The following VTI1A variants were observed in gnomAD, a reference collection of about 807,000 sequenced individuals.
VTI1A encodes the protein vesicle transport through interaction with t-SNAREs 1A, also known as vesicle transport through interaction with t-SNAREs homolog 1A.
Under a neutral mutation model 34.9 loss-of-function variants are expected in VTI1A, and 22 were observed. That is an observed-to-expected ratio of 0.63 (90% confidence interval 0.45 to 0.90). VTI1A has a LOEUF of 0.90. Ranked by LOEUF, VTI1A falls within the 40% of genes least tolerant of loss-of-function variation. The pLI, the probability that VTI1A is intolerant of heterozygous loss-of-function variation, is 0.00. For synonymous variants in VTI1A, 87 were observed against 97.3 expected (o/e 0.89, Z 0.62); for missense variants, 268 against 275.6 (o/e 0.97, Z 0.20).
intron 4 of VTI1A, among the ~76,000 whole-genome samples, chr10:112,534,813 G>T (rs1257709741): frequency 6.6e-6 from 1 of 152,120 alleles, no homozygotes; most frequent in African/African-American, 2.4e-5. Context: ...CTGCAAGATA[G>T]AGTATGTGCT....
Position 112,817,493 on chromosome 10 carries a change from A to G in VTI1A, c.*2110A>G, listed in dbSNP as rs571046161. ...AGCTCTTGCCTGTGATTTTACCCCA[A>G]TTCAACCTTGGGAGTGGGAAGAATA... On this transcript the variant is annotated 3_prime_UTR_variant, in exon 8 of 8. Transcript: ENST00000393077. 39 of 229,772 alleles carry G rather than the reference A, an allele frequency of 1.7e-4. No individual in the cohort carries two copies. The highest frequency in any genetic ancestry group is 8.2e-4 in the African/African-American group (37 of 45,262). The allele number at this position is 229,772 out of a possible 1,614,324, so 14.2% of individuals were successfully genotyped here. A position where few individuals can be genotyped will look rare whatever the true frequency, so the allele number is the denominator to read the frequency against.
At chr10:112,449,944 C>T (rs1847170401) in intron 1 of VTI1A, 2 of 152,010 alleles carry the variant, frequency 1.3e-5, no homozygotes, top group Non-Finnish European at 2.9e-5. Flanking sequence ...GTATCGCCCA[C>T]GTTGGAGTGT....
At chr10:112,448,761 C>T (rs1847093457) in intron 1 of VTI1A, 1 of 151,946 alleles carries the variant, frequency 6.6e-6, no homozygotes, top group African/African-American at 2.4e-5. Context: ...TAATTTCTCC[C>T]GGACCTAAGT....
intron 3 of VTI1A, among the ~76,000 whole-genome samples, chr10:112,486,469 G>A (rs960170028): frequency 6.6e-6 from 1 of 152,046 alleles, no homozygotes; most frequent in Non-Finnish European, 1.5e-5. Context: ...CCTTATTACA[G>A]TGCCCTTATG....
intron 7 of VTI1A, among the ~76,000 whole-genome samples, chr10:112,814,030 G>A (rs1340679022): frequency 6.6e-6 from 1 of 152,242 alleles, no homozygotes; most frequent in Non-Finnish European, 1.5e-5. Context: ...TTTAGGTTTG[G>A]AGAAGAAGGG....
intron 7 of VTI1A, among the ~76,000 whole-genome samples, chr10:112,759,066 T>C (rs1350499473): frequency 1.3e-5 from 2 of 152,144 alleles, no homozygotes; most frequent in African/African-American, 4.8e-5. Flanking sequence ...AGGCCTCCCC[T>C]GCCTCCCTAC....
intron 5 of VTI1A, among the ~76,000 whole-genome samples, chr10:112,655,093 C>G (rs1024520337): frequency 4.6e-5 from 7 of 152,216 alleles, no homozygotes; most frequent in African/African-American, 1.7e-4. Context: ...GCATCACCAG[C>G]AGCATCTGGA....
chr10:112,817,657 A>G lies in VTI1A; in HGVS notation c.*2274A>G, dbSNP rs1853563822. 1 of 229,046 alleles carries G rather than the reference A, an allele frequency of 4.4e-6. No homozygotes were observed. Among genetic ancestry groups the G allele is most frequent in the South Asian group, 1.8e-4 (1 of 5,488 alleles). The allele number at this position is 229,046 out of a possible 1,614,324, so 14.2% of individuals were successfully genotyped here. A position where few individuals can be genotyped will look rare whatever the true frequency, so the allele number is the denominator to read the frequency against. On this transcript the variant is annotated 3_prime_UTR_variant, in exon 8 of 8. Coordinates refer to ENST00000393077, the MANE Select transcript of VTI1A (RefSeq NM_145206.4). ...TTCCTGGTCCTCCTGGACACTGCAG[A>G]AAAGACTTAGGGGATCCCCAGCAGA...
intron 7 of VTI1A, among the ~76,000 whole-genome samples, chr10:112,716,297 G>T (rs1471069009): frequency 6.6e-6 from 1 of 152,156 alleles, no homozygotes; most frequent in East Asian, 1.9e-4. Flanking sequence ...ACATGTCTTG[G>T]CATGTTCATT....
intron 4 of VTI1A, among the ~76,000 whole-genome samples, chr10:112,531,024 TA>T (rs531240724): frequency 9.3e-5 from 14 of 150,248 alleles, no homozygotes; most frequent in Admixed American, 2.7e-4. Context: ...TTATCAGCTT[TA>T]AAAAAAATTC....
At chr10:112,498,199 G>A (rs1206253722) in intron 3 of VTI1A, among the ~76,000 whole-genome samples, 1 of 152,132 alleles carries the variant, frequency 6.6e-6, no homozygotes, top group African/African-American at 2.4e-5. Context: ...TATACTGACT[G>A]AAGAATTGGT....
chr10:112,551,019 G>A (rs1054662434), intron 5 of VTI1A, among the ~76,000 whole-genome samples: 2 of 152,202 alleles, frequency 1.3e-5, no homozygotes, highest in South Asian at 2.1e-4. Context: ...CAAGGCGGGC[G>A]GATCACGAGG....
chr10:112,455,356 TC>T (rs1173125146), intron 1 of VTI1A, among the ~76,000 whole-genome samples: 6 of 6,888 alleles, frequency 8.7e-4, no homozygotes, highest in African/African-American at 4.6e-3. Flanking sequence ...CCTTCCCCCT[TC>T]CCCCTTCCCT....
chr10:112,735,989 A>T lies in VTI1A; in HGVS notation c.560+66991A>T, dbSNP rs538668119. Among the ~76,000 whole-genome samples the T allele has an allele frequency of 7.5e-4, 112 of 150,288 alleles. 1 individual carries two copies. The highest frequency in any genetic ancestry group is 2.7e-3 in the African/African-American group (111 of 41,074). ...GCACATGACTTTGTTCTGAGTGGTGAAATTTAAAATATACATATATTTTAA... is the reference window on the plus strand; with the variant it reads ...GCACATGACTTTGTTCTGAGTGGTGTAATTTAAAATATACATATATTTTAA... On this transcript the variant is annotated intron_variant, in intron 7 of 7. Transcript: ENST00000393077.
intron 1 of VTI1A, among the ~76,000 whole-genome samples, chr10:112,453,664 TTTTTC>T (rs1036754737): frequency 4.6e-5 from 7 of 152,160 alleles, no homozygotes; most frequent in Non-Finnish European, 8.8e-5. Flanking sequence ...CATTTTGGCT[TTTTTC>T]TTTTCTTTTT....
At chr10:112,596,147 C>T (rs1844631396) in intron 5 of VTI1A, among the ~76,000 whole-genome samples, 2 of 144,212 alleles carry the variant, frequency 1.4e-5, no homozygotes, top group African/African-American at 5.3e-5. Flanking sequence ...GAACATCACA[C>T]TCTGGGGACT....
chr10:112,486,553 T>C (rs934685133), intron 3 of VTI1A, among the ~76,000 whole-genome samples: 3 of 139,456 alleles, frequency 2.2e-5, no homozygotes, highest in Non-Finnish European at 3.2e-5. Context: ...AATCTAAAAC[T>C]AGCCTTGGAA....
At chr10:112,539,204 A>T (rs1039808632) in intron 5 of VTI1A, among the ~76,000 whole-genome samples, 2 of 152,234 alleles carry the variant, frequency 1.3e-5, no homozygotes, top group Non-Finnish European at 2.9e-5. Flanking sequence ...AACCACAAAA[A>T]TATGTAATCA....
At chr10:112,827,944 T>G in the VTI1A span, among the ~76,000 whole-genome samples, 1 of 152,226 alleles carries the variant, frequency 6.6e-6, no homozygotes, top group East Asian at 1.9e-4. Flanking sequence ...CCCAAAAATA[T>G]GGCATTACAG....
Sources: gnomAD v4.1 joint callset for allele counts (sites outside exome capture counted in the v4.1 genomes callset) on GRCh38, gnomAD v4.1.1 for gene constraint, MANE v1.5 for transcripts, NCBI Gene and HGNC (gene_info 2026-07-23, HGNC 2026-07-21) for gene names.